TP53BP2: variants seen among roughly 807,000 people sequenced by gnomAD.
TP53BP2 encodes tumor protein p53 binding protein 2.
A neutral mutation model predicts 126.2 loss-of-function variants in TP53BP2; 62 were observed. That is an observed-to-expected ratio of 0.49 (90% CI 0.40 to 0.61). The LOEUF is 0.61. Among genes scored for constraint, TP53BP2 ranks in the 20% least tolerant of loss-of-function variants. The pLI, the probability that TP53BP2 is intolerant of heterozygous loss-of-function variation, is 0.00. For synonymous variants in TP53BP2, 485 were observed against 502.9 expected (o/e 0.96, Z 0.48); for missense variants, 1,215 against 1,402.8 (o/e 0.87, Z 2.14).
intron 9 of TP53BP2, among the ~76,000 whole-genome samples, chr1:223,801,726 T>C (rs1354474801): frequency 1.3e-5 from 2 of 152,198 alleles, no homozygotes; most frequent in South Asian, 4.1e-4. Context: ...CTCATCAACA[T>C]AATAGATTCA....
Position 223,796,003 on chromosome 1 carries a change from T to A in TP53BP2, c.2536A>T (p.Asn846Tyr). The A allele has an allele frequency of 6.2e-7, 1 of 1,614,082 alleles. No individual in the cohort carries two copies. The highest frequency in any genetic ancestry group is 2.2e-5 in the East Asian group (1 of 44,878). ...GGGTTATTCTGGAGATTTGGGCTGT[T>A]GTCTGGGACTCCCTCAGGCTCATAA... is the stretch of plus-strand genomic sequence containing the variant. Reference protein sequence around the residue: ...LDYEPEGVPDNSPNLQNNPEE... With the variant: ...LDYEPEGVPDYSPNLQNNPEE... The change falls in exon 13 of 18, where the codon AAC becomes TAC. Residue 846 changes from asparagine to tyrosine, a missense_variant. Physicochemically the swap from Asn to Tyr is moderately radical, Grantham distance 143 (BLOSUM62 -2). This residue lies in a region of TP53BP2 where 204 missense variants were observed against 225.7 expected (regional missense o/e 0.90). Transcript: ENST00000343537. The surrounding 1 kb of genome is among the most constrained non-coding windows in gnomAD (Gnocchi z 4.2).
intron 16 of TP53BP2, among the ~76,000 whole-genome samples, chr1:223,786,052 GA>G (rs768977135): frequency 4.6e-5 from 7 of 152,076 alleles, no homozygotes; most frequent in Non-Finnish European, 1.0e-4. Flanking sequence ...TTCGAAAGCA[GA>G]ATAAAAAGAT....
chr1:223,802,986 C>A, intron 7 of TP53BP2, 91 bp from the exon 8 acceptor site: 1 of 1,407,642 alleles, frequency 7.1e-7, no homozygotes, highest in South Asian at 1.3e-5. Context: ...TATATAATTT[C>A]TAAAAATATG....
Position 223,845,350 on chromosome 1 carries a change from G to A in TP53BP2, c.27+304C>T, listed in dbSNP as rs953035985. 5.2e-6 allele frequency: 4 copies of A among 765,262 alleles called. 1 individual carries two copies. The highest frequency in any genetic ancestry group is 6.4e-6 in the Non-Finnish European group (4 of 628,894). 47.4% of individuals were successfully genotyped at this position (765,262 alleles called of 1,614,324 possible). ...AGAACTGCAAAAAAGTCAAGACCCAGTGAAAGACGAAAAGTTTGAGTGGCT... is the reference window on the plus strand; with the variant it reads ...AGAACTGCAAAAAAGTCAAGACCCAATGAAAGACGAAAAGTTTGAGTGGCT... On this transcript the variant is annotated intron_variant, in intron 1 of 17. Transcript: ENST00000343537.
Position 223,832,964 on chromosome 1 carries a change from C to T in TP53BP2, c.28-11597G>A, listed in dbSNP as rs151108505. On this transcript the variant is annotated intron_variant, in intron 1 of 17. Transcript: ENST00000343537. ...TCTCTGTGGAACCTTCCTCAGGAGCCACAGGGACACTACATATTTGAGTCC... is the reference window on the plus strand; with the variant it reads ...TCTCTGTGGAACCTTCCTCAGGAGCTACAGGGACACTACATATTTGAGTCC... Among the ~76,000 whole-genome samples the T allele has an allele frequency of 3.3e-5, 5 of 152,288 alleles. No individual in the cohort carries two copies. The East Asian group carries it at 9.6e-4, about 29-fold the overall frequency.
chr1:223,791,151 G>A (rs1330285377), intron 15 of TP53BP2, among the ~76,000 whole-genome samples: 2 of 152,146 alleles, frequency 1.3e-5, no homozygotes, highest in Non-Finnish European at 2.9e-5. Flanking sequence ...CTTGGGCCAA[G>A]TACGGTGGCT....
intron 13 of TP53BP2, among the ~76,000 whole-genome samples, chr1:223,793,716 T>C (rs1242161292): frequency 6.6e-6 from 1 of 152,252 alleles, no homozygotes; most frequent in African/African-American, 2.4e-5. Context: ...TTATATGTTA[T>C]AGTATGAATT....
intron 16 of TP53BP2, 97 bp from the exon 17 acceptor site, chr1:223,784,411 G>A (rs1208242592): frequency 2.7e-6 from 3 of 1,112,866 alleles, no homozygotes; most frequent in Non-Finnish European, 4.0e-6. Context: ...GAAGAAACAG[G>A]TACAGGCTGG....
In TP53BP2 at chr1:223,790,926, T is replaced by C. The variant is rs562989876; in HGVS notation, c.2996+1463A>G. Among the ~76,000 whole-genome samples, 6 of 152,270 alleles carry C rather than the reference T, an allele frequency of 3.9e-5. No individual in the cohort carries two copies. In the East Asian group the frequency reaches 7.7e-4, roughly 20 times the overall value. ...GGCCAGAACACTATTATTAAATAGT[T>C]TGGCAAATATTACTATAGATTTTTT... On this transcript the variant is annotated intron_variant, in intron 15 of 17. Coordinates refer to ENST00000343537, the MANE Select transcript of TP53BP2 (RefSeq NM_001031685.3).
Position 223,780,811 on chromosome 1 carries a change from C to A in TP53BP2, c.*42G>T, listed in dbSNP as rs753060419. 4 of 1,599,484 alleles carry A rather than the reference C, an allele frequency of 2.5e-6. No homozygotes were observed. The African/African-American group carries it at 4.1e-5, about 16-fold the overall frequency. On this transcript the variant is annotated 3_prime_UTR_variant, in exon 18 of 18. Transcript: ENST00000343537. ...AAATAATCGTATTACTTCTTCTTAACAGAGATTAATTCTTCATTGACTAAA... is the reference window on the plus strand; with the variant it reads ...AAATAATCGTATTACTTCTTCTTAAAAGAGATTAATTCTTCATTGACTAAA...
intron 2 of TP53BP2, among the ~76,000 whole-genome samples, chr1:223,818,875 G>A (rs575118550): frequency 3.3e-5 from 5 of 150,972 alleles, no homozygotes; most frequent in East Asian, 4.1e-4. Flanking sequence ...CACCGTGTCC[G>A]GCCAAAAATT....
chr1:223,788,914 T>A, intron 16 of TP53BP2, 94 bp downstream of exon 16: 1 of 1,388,820 alleles, frequency 7.2e-7, no homozygotes, highest in Non-Finnish European at 9.9e-7. Context: ...AACACAAGAT[T>A]TTTTCCAAAC....
chr1:223,841,585 AAT>A lies in TP53BP2; in HGVS notation c.27+4067_27+4068del, dbSNP rs542894303. On this transcript the variant is annotated intron_variant, in intron 1 of 17. Coordinates refer to ENST00000343537, the MANE Select transcript of TP53BP2 (RefSeq NM_001031685.3). The stretch of plus-strand genomic sequence containing the variant: ...GTTGTGTTTTGTGCAAATCTGTGCA[AAT>A]AAAACCAGACCTTTGTAAATAATAA... Among the ~76,000 whole-genome samples, 14 of 152,366 alleles carry A rather than the reference AAT, an allele frequency of 9.2e-5. No homozygotes were observed. In the South Asian group the frequency reaches 2.9e-3, roughly 32 times the overall value.
chr1:223,800,061 A>T lies in TP53BP2; in HGVS notation c.1337-14T>A. ...CTCCATCATCAACTAAAGACAAAAA[A>T]ATCACAATGACATTCAAACTGTTTA... is the stretch of plus-strand genomic sequence containing the variant. On this transcript the variant is annotated splice_polypyrimidine_tract_variant and intron_variant, in intron 10 of 17. Coordinates refer to ENST00000343537, the MANE Select transcript of TP53BP2 (RefSeq NM_001031685.3). The T allele has an allele frequency of 6.3e-7, 1 of 1,592,712 alleles. No homozygotes were observed.
intron 2 of TP53BP2, among the ~76,000 whole-genome samples, chr1:223,819,380 G>A (rs573710528): frequency 6.6e-6 from 1 of 151,792 alleles, no homozygotes; most frequent in Admixed American, 6.6e-5. Flanking sequence ...GAGAGAATCT[G>A]AGGTAAAGAG....
At position 223,798,482 on chromosome 1, in the gene TP53BP2, G is replaced by A; in HGVS notation, c.1681C>T (p.Leu561=). 1.9e-6 allele frequency: 3 copies of A among 1,614,196 alleles called. No individual in the cohort carries two copies. Among genetic ancestry groups the A allele is most frequent in the Non-Finnish European group, 2.5e-6 (3 of 1,180,012 alleles). Residue 561 remains leucine, a synonymous_variant, in exon 12 of 18, where the codon CTA becomes TTA. Coordinates refer to ENST00000343537, the MANE Select transcript of TP53BP2 (RefSeq NM_001031685.3). ...CCAACCGAAGGTATGCTGGGAGATA[G>A]CAGCACTCTCGGCTGCTGCCCTGCT... ...KPAGQQPRVL[L]SPSIPSVGQD...
At chr1:223,834,764 A>T (rs1204953245) in intron 1 of TP53BP2, 1 of 940,436 alleles carries the variant, frequency 1.1e-6, no homozygotes, top group African/African-American at 1.8e-5. Flanking sequence ...ATTCATCCCC[A>T]TCCTTCCAGA....
rs975358949 is a variant in TP53BP2, at chr1:223,806,722, G to C, written c.474+124C>G. ...GCCTGTAATCCCAGCTACTTGAGAG[G>C]CTGAGACAGGAGAATCACTTGAACT... is the stretch of plus-strand genomic sequence containing the variant. On this transcript the variant is annotated intron_variant, in intron 5 of 17. Transcript: ENST00000343537. 3 of 674,580 alleles carry C rather than the reference G, an allele frequency of 4.4e-6. No homozygotes were observed. In the East Asian group the frequency reaches 8.8e-5, roughly 20 times the overall value. The allele number at this position is 674,580 out of a possible 1,614,324, so 41.8% of individuals were successfully genotyped here.
At chr1:223,830,073 CA>C (rs1663644183) in intron 1 of TP53BP2, among the ~76,000 whole-genome samples, 1 of 152,054 alleles carries the variant, frequency 6.6e-6, no homozygotes, top group Non-Finnish European at 1.5e-5. Flanking sequence ...TGAAGACATG[CA>C]GGGAAATAAA....
Sources: gnomAD v4.1 joint callset for allele counts (sites outside exome capture counted in the v4.1 genomes callset) on GRCh38, gnomAD v4.1.1 for gene constraint, gnomAD v4.1.1 regional missense constraint, Gnocchi (gnomAD v3.1) non-coding constraint, MANE v1.5 for transcripts, NCBI Gene and HGNC (gene_info 2026-07-23, HGNC 2026-07-21) for gene names.